CYP2C19: variants seen among roughly 807,000 people sequenced by gnomAD.
CYP2C19 encodes the protein cytochrome P450 family 2 subfamily C member 19, also known as cytochrome P450 2C19.
CYP2C19 carries 59 observed loss-of-function variants against 40.9 expected under a neutral mutation model. The ratio of observed to expected loss-of-function variants is 1.44; its 90% CI spans 1.17 to 1.79. The LOEUF (loss-of-function observed/expected upper bound fraction) is 1.79. CYP2C19 is among the 40% of genes most tolerant of loss of function. The pLI is 0.00. For synonymous variants in CYP2C19, 253 were observed against 208.7 expected, an observed-to-expected ratio of 1.21 and a Z score of -1.83; for missense variants, 754 against 596.9, an observed-to-expected ratio of 1.26 and a Z score of -2.74.
At chr10:94,829,340 T>C (rs1849289448) in intron 6 of CYP2C19, among the ~76,000 whole-genome samples, 1 of 152,192 alleles carries the variant, frequency 6.6e-6, no homozygotes, top group Non-Finnish European at 1.5e-5. Context: ...TAGTCCCATA[T>C]TTCTTGGAGG....
rs188523981 is a variant in CYP2C19, at chr10:94,793,957, G to T, written c.819+11960G>T. Reference sequence around the variant, plus strand: ...TGTTCAGCTATGCCCTGCCCCCAAAGGTGTAGTCTACAGAGGCAGGCAGGC... The same window carrying T: ...TGTTCAGCTATGCCCTGCCCCCAAATGTGTAGTCTACAGAGGCAGGCAGGC... On this transcript the variant is annotated intron_variant, in intron 5 of 8. Coordinates refer to ENST00000371321, the MANE Select transcript of CYP2C19 (RefSeq NM_000769.4). Among the ~76,000 whole-genome samples the T allele has an allele frequency of 3.1e-3, 472 of 152,224 alleles. 3 individuals carry two copies. The highest frequency in any genetic ancestry group is 0.011 in the African/African-American group (448 of 41,552).
intron 6 of CYP2C19, among the ~76,000 whole-genome samples, chr10:94,838,079 A>G (rs1435702146): frequency 1.3e-5 from 2 of 152,162 alleles, no homozygotes; most frequent in Non-Finnish European, 2.9e-5. Context: ...TCTCTCCAGA[A>G]AGGCAGTAGG....
In CYP2C19 at chr10:94,775,402, G is replaced by T. The variant is rs990262009; in HGVS notation, c.344G>T (p.Ser115Ile). The change falls in exon 3 of 9, where the codon AGC (serine) becomes ATC (isoleucine). Residue 115 changes from serine (S) to isoleucine (I), a missense_variant. Ser to Ile is a moderately radical substitution (Grantham distance 142, BLOSUM62 -2). Transcript: ENST00000371321. ...RANRGFGIVF[S>I]NGKRWKEIRR... Reference sequence around the variant, plus strand: ...CTCTTCCTGTTAGGAATCGTTTTCAGCAATGGAAAGAGATGGAAGGAGATC... The same window carrying T: ...CTCTTCCTGTTAGGAATCGTTTTCATCAATGGAAAGAGATGGAAGGAGATC... 2 of 1,614,028 alleles carry T rather than the reference G, an allele frequency of 1.2e-6. No homozygotes were observed. The highest frequency in any genetic ancestry group is 1.7e-6 in the Non-Finnish European group (2 of 1,180,018).
At chr10:94,790,096 C>T (rs1350881074) in intron 5 of CYP2C19, among the ~76,000 whole-genome samples, 2 of 151,796 alleles carry the variant, frequency 1.3e-5, no homozygotes, top group African/African-American at 2.4e-5. Context: ...ATTTTATTCT[C>T]TTTGTAGCAA....
At position 94,844,590 on chromosome 10, in the gene CYP2C19, T is replaced by A. The variant is rs114638771; in HGVS notation, c.1149+1566T>A. 4.7e-3 allele frequency among the ~76,000 whole-genome samples: 710 copies of A among 152,338 alleles called. 5 individuals carry two copies. The highest frequency in any genetic ancestry group is 0.016 in the African/African-American group (682 of 41,594). Reference sequence around the variant, plus strand: ...TTAAAAATAATATAACCTAAAGTTATATTTTCAAGGGGAAAAATCAATGAG... The same window carrying A: ...TTAAAAATAATATAACCTAAAGTTAAATTTTCAAGGGGAAAAATCAATGAG... On this transcript the variant is annotated intron_variant, in intron 7 of 8. Transcript: ENST00000371321.
At chr10:94,771,095 C>T (rs1337036371) in intron 1 of CYP2C19, among the ~76,000 whole-genome samples, 1 of 149,754 alleles carries the variant, frequency 6.7e-6, no homozygotes, top group Non-Finnish European at 1.5e-5. Context: ...CTATCAGGAT[C>T]ATCTGGAAAC....
chr10:94,779,923 A>AT (rs1412483446), intron 3 of CYP2C19, among the ~76,000 whole-genome samples: 2 of 152,054 alleles, frequency 1.3e-5, no homozygotes, highest in Non-Finnish European at 2.9e-5. Context: ...TTTTTGTTTA[A>AT]TTTTTTTGAC....
Position 94,781,939 on chromosome 10 carries a change from C to T in CYP2C19, c.761C>T (p.Ser254Leu), listed in dbSNP as rs1178615892. 9.3e-6 allele frequency: 14 copies of T among 1,512,174 alleles called. No homozygotes were observed. The highest frequency in any genetic ancestry group is 1.5e-5 in the African/African-American group (1 of 68,570). The allele number at this position is 1,512,174 out of a possible 1,614,324, so 93.7% of individuals were successfully genotyped here. Residue 254 changes from serine to leucine, a missense_variant, in exon 5 of 9, where the codon TCG becomes TTG. Coordinates refer to ENST00000371321, the MANE Select transcript of CYP2C19 (RefSeq NM_000769.4). Reference protein sequence around the residue: ...ILEKVKEHQESMDINNPRDFI... With the variant: ...ILEKVKEHQELMDINNPRDFI... ...GAGAAAGTAAAAGAACACCAAGAATCGATGGACATCAACAACCCTCGGGAC... is the reference window on the plus strand; with the variant it reads ...GAGAAAGTAAAAGAACACCAAGAATTGATGGACATCAACAACCCTCGGGAC...
intron 5 of CYP2C19, among the ~76,000 whole-genome samples, chr10:94,819,097 G>T (rs1450053187): frequency 6.6e-6 from 1 of 150,834 alleles, no homozygotes; most frequent in Non-Finnish European, 1.5e-5. Flanking sequence ...ACTCAAAACT[G>T]CTCAACTACA....
chr10:94,802,760 T>C (rs966483139), intron 5 of CYP2C19, among the ~76,000 whole-genome samples: 18 of 152,120 alleles, frequency 1.2e-4, no homozygotes, highest in African/African-American at 4.3e-4. Context: ...CCTTCATGGA[T>C]TCTTGTAAGG....
At chr10:94,837,456 G>A (rs1849422122) in intron 6 of CYP2C19, among the ~76,000 whole-genome samples, 1 of 152,132 alleles carries the variant, frequency 6.6e-6, no homozygotes, top group African/African-American at 2.4e-5. Flanking sequence ...GACAACCAAT[G>A]GGTGTTCCTT....
At chr10:94,794,262 G>T (rs978788376) in intron 5 of CYP2C19, among the ~76,000 whole-genome samples, 1 of 152,110 alleles carries the variant, frequency 6.6e-6, no homozygotes, top group Non-Finnish European at 1.5e-5. Flanking sequence ...ATCTGTCATG[G>T]CTTTCCTTGG....
intron 5 of CYP2C19, among the ~76,000 whole-genome samples, chr10:94,816,353 T>C (rs10509677): frequency 0.047 from 7,209 of 151,892 alleles, 231 homozygotes; most frequent in South Asian, 0.11. Context: ...TAGACAGTCA[T>C]TTGTAACTTC....
rs189268968 is a variant in CYP2C19, at chr10:94,797,007, G to A, written c.819+15010G>A. ...TTTCTTTCTCCTACCTGATTGCCCCGGCGAGAACTTCCAACACTGCGTTGA... is the reference window on the plus strand; with the variant it reads ...TTTCTTTCTCCTACCTGATTGCCCCAGCGAGAACTTCCAACACTGCGTTGA... On this transcript the variant is annotated intron_variant, in intron 5 of 8. Coordinates refer to ENST00000371321, the MANE Select transcript of CYP2C19 (RefSeq NM_000769.4). Among the ~76,000 whole-genome samples the A allele has an allele frequency of 6.5e-3, 992 of 152,076 alleles. 8 individuals carry two copies. Among genetic ancestry groups the A allele is most frequent in the South Asian group, 0.01 (50 of 4,814 alleles).
chr10:94,813,419 G>T (rs1456509146), intron 5 of CYP2C19, among the ~76,000 whole-genome samples: 1 of 151,924 alleles, frequency 6.6e-6, no homozygotes, highest in Non-Finnish European at 1.5e-5. Context: ...CAGTGAGATG[G>T]GAGTTTTATC....
intron 6 of CYP2C19, among the ~76,000 whole-genome samples, chr10:94,827,549 C>G (rs186108006): frequency 6.6e-6 from 1 of 151,980 alleles, no homozygotes; most frequent in Non-Finnish European, 1.5e-5. Context: ...TGATTCTTCT[C>G]TCTCTTTTTC....
chr10:94,843,002 T>A lies in CYP2C19; in HGVS notation c.1127T>A (p.Phe376Tyr), dbSNP rs778043881. ...CATGCAGTGACCTGTGACGTTAAATTCAGAAACTACCTCATTCCCAAGGTA... is the reference window on the plus strand; with the variant it reads ...CATGCAGTGACCTGTGACGTTAAATACAGAAACTACCTCATTCCCAAGGTA... Reference protein sequence around the residue: ...LPHAVTCDVKFRNYLIPKGTT... With the variant: ...LPHAVTCDVKYRNYLIPKGTT... Residue 376 changes from phenylalanine to tyrosine, a missense_variant, in exon 7 of 9, where the codon TTC becomes TAC. Coordinates refer to ENST00000371321, the MANE Select transcript of CYP2C19 (RefSeq NM_000769.4). 84 of 1,614,100 alleles carry A rather than the reference T, an allele frequency of 5.2e-5. 4 individuals carry two copies. In the South Asian group the frequency reaches 9.0e-4, roughly 17 times the overall value.
At position 94,775,727 on chromosome 10, in the gene CYP2C19, G is replaced by A. The variant is rs941692159; in HGVS notation, c.481+188G>A. ...GTTTGTGCTGTGTGTGTACAGGCAT[G>A]ATTGTGCATACAGTGTGGGTATAAA... On this transcript the variant is annotated intron_variant, in intron 3 of 8. Coordinates refer to ENST00000371321, the MANE Select transcript of CYP2C19 (RefSeq NM_000769.4). 3.4e-6 allele frequency: 3 copies of A among 879,634 alleles called. No homozygotes were observed. In the Admixed American group the frequency reaches 7.5e-5, roughly 22 times the overall value. The allele number at this position is 879,634 out of a possible 1,614,324, so 54.5% of individuals were successfully genotyped here. A position where few individuals can be genotyped will look rare whatever the true frequency, so the allele number is the denominator to read the frequency against.
chr10:94,820,390 T>A (rs183096701), intron 5 of CYP2C19, 106 bp from the exon 6 acceptor site: 2 of 1,314,346 alleles, frequency 1.5e-6, no homozygotes, highest in African/African-American at 1.5e-5. Context: ...TACTATACTT[T>A]ACAGTTTCTA....
Sources: allele counts gnomAD v4.1 joint callset (sites outside exome capture counted in the v4.1 genomes callset), GRCh38; gene constraint gnomAD v4.1.1; transcripts MANE v1.5; gene names NCBI Gene and HGNC (gene_info 2026-07-23, HGNC 2026-07-21).